The following MBOAT2 variants were observed in gnomAD, a reference collection of about 807,000 sequenced individuals.
MBOAT2 encodes the protein membrane bound glycerophospholipid O-acyltransferase 2.
Under a neutral mutation model 63.4 loss-of-function variants are expected in MBOAT2, and 28 were observed. The observed-to-expected ratio is 0.44, with a 90% CI of 0.33 to 0.61. The LOEUF (loss-of-function observed/expected upper bound fraction) is 0.61. MBOAT2 is among the 20% of genes least tolerant of loss of function. The pLI is 0.03. For missense variants in MBOAT2, 470 were observed against 605.8 expected, an observed-to-expected ratio of 0.78 and a Z score of 2.35; for synonymous variants, 211 against 215.6, an observed-to-expected ratio of 0.98 and a Z score of 0.19.
chr2:8,940,199 A>G (rs1215062628), intron 3 of MBOAT2, among the ~76,000 whole-genome samples: 1 of 152,166 alleles, frequency 6.6e-6, no homozygotes, highest in Non-Finnish European at 1.5e-5. Context: ...TACTGGGAAT[A>G]TAAAGAGAAG....
intron 5 of MBOAT2, among the ~76,000 whole-genome samples, chr2:8,886,965 T>C (rs1663602891): frequency 6.6e-6 from 1 of 152,208 alleles, no homozygotes; most frequent in Admixed American, 6.5e-5. Flanking sequence ...TTGATCACAA[T>C]GCAAGAACTA....
intron 5 of MBOAT2, 29 bp downstream of exon 5, chr2:8,887,989 G>T: frequency 1.3e-6 from 2 of 1,593,680 alleles, no homozygotes; most frequent in Admixed American, 1.7e-5. Context: ...AATTTTTTCA[G>T]CAATAAAAAT....
chr2:8,936,967 CTTCCTAA>C lies in MBOAT2; in HGVS notation c.299+6213_299+6219del, dbSNP rs1201070820. 3.3e-5 allele frequency among the ~76,000 whole-genome samples: 5 copies of C among 152,198 alleles called. No homozygotes were observed. The South Asian group carries it at 6.2e-4, about 19-fold the overall frequency. ...GTGCTGCCTTCGCCAGGGAAAATAT[CTTCCTAA>C]TTCCAATTAGGTACGCCTGAAACAC... On this transcript the variant is annotated intron_variant, in intron 3 of 12. Coordinates refer to ENST00000305997, the MANE Select transcript of MBOAT2 (RefSeq NM_138799.4).
chr2:8,968,438 G>C (rs1158938704), intron 1 of MBOAT2, among the ~76,000 whole-genome samples: 1 of 151,854 alleles, frequency 6.6e-6, no homozygotes, highest in Non-Finnish European at 1.5e-5. Context: ...AAAAAACAGA[G>C]CAGAAAAGCT....
intron 1 of MBOAT2, among the ~76,000 whole-genome samples, chr2:8,966,746 A>G (rs1490640048): frequency 1.3e-5 from 2 of 152,216 alleles, no homozygotes; most frequent in Admixed American, 6.5e-5. Context: ...TACAATGTAG[A>G]GCAATGGGAT....
chr2:8,874,935 T>C (rs749525690), intron 7 of MBOAT2, among the ~76,000 whole-genome samples: 5 of 152,216 alleles, frequency 3.3e-5, no homozygotes, highest in Non-Finnish European at 5.9e-5. Context: ...AAGATGGAGC[T>C]TGGATCTCTA....
intron 8 of MBOAT2, 81 bp from the exon 9 acceptor site, chr2:8,868,630 A>T: frequency 9.1e-7 from 1 of 1,103,878 alleles, no homozygotes; most frequent in Non-Finnish European, 1.3e-6. Flanking sequence ...ATGTGTTATT[A>T]TATCTTTTAT....
chr2:8,959,705 T>A (rs1669481329), intron 1 of MBOAT2, among the ~76,000 whole-genome samples: 1 of 152,098 alleles, frequency 6.6e-6, no homozygotes, highest in African/African-American at 2.4e-5. Context: ...TCAAACAATC[T>A]GCCTGCCTCT....
intron 2 of MBOAT2, among the ~76,000 whole-genome samples, chr2:8,945,127 C>T (rs1668326672): frequency 6.6e-6 from 1 of 152,142 alleles, no homozygotes; most frequent in African/African-American, 2.4e-5. Context: ...CCTGACATCG[C>T]CATTCAGGTG....
chr2:8,861,440 T>G (rs774614999), intron 11 of MBOAT2, among the ~76,000 whole-genome samples: 6 of 152,138 alleles, frequency 3.9e-5, no homozygotes, highest in Admixed American at 1.3e-4. Context: ...GTACAGTTTT[T>G]AAGCGCAAGA....
At chr2:8,976,052 A>C (rs1005926504) in intron 1 of MBOAT2, among the ~76,000 whole-genome samples, 8 of 152,124 alleles carry the variant, frequency 5.3e-5, no homozygotes, top group Non-Finnish European at 1.0e-4. Context: ...CCCAGACAAC[A>C]GCACAGAGAA....
At chr2:8,931,024 C>T (rs776179841) in intron 3 of MBOAT2, among the ~76,000 whole-genome samples, 19 of 152,034 alleles carry the variant, frequency 1.2e-4, no homozygotes, top group South Asian at 4.2e-4. Context: ...AAATCTTTGG[C>T]GTGGCTAAGG....
At chr2:8,976,782 A>G (rs1670847837) in intron 1 of MBOAT2, among the ~76,000 whole-genome samples, 1 of 152,190 alleles carries the variant, frequency 6.6e-6, no homozygotes, top group African/African-American at 2.4e-5. Context: ...AAAAGAAAGT[A>G]GTCTAACTTC....
chr2:8,919,822 C>A (rs1230306171), intron 3 of MBOAT2, among the ~76,000 whole-genome samples: 1 of 152,048 alleles, frequency 6.6e-6, no homozygotes, highest in Non-Finnish European at 1.5e-5. Context: ...GTGGTACAAT[C>A]ATAACTCAAT....
At chr2:8,892,328 A>T (rs1664063831) in intron 4 of MBOAT2, among the ~76,000 whole-genome samples, 1 of 152,178 alleles carries the variant, frequency 6.6e-6, no homozygotes, top group Non-Finnish European at 1.5e-5. Flanking sequence ...GTGTACAAGT[A>T]CCCTTTCAAC....
chr2:8,972,775 T>C (rs1670539688), intron 1 of MBOAT2, among the ~76,000 whole-genome samples: 1 of 152,078 alleles, frequency 6.6e-6, no homozygotes, highest in South Asian at 2.1e-4. Context: ...AAAATGCTCA[T>C]CATCACTGGC....
chr2:8,912,060 T>A (rs1665746348), intron 3 of MBOAT2, among the ~76,000 whole-genome samples: 2 of 152,038 alleles, frequency 1.3e-5, no homozygotes, highest in South Asian at 4.1e-4. Flanking sequence ...ATTAAAACCC[T>A]CATCAAAATT....
At chr2:8,969,955 A>T (rs1401005552) in intron 1 of MBOAT2, among the ~76,000 whole-genome samples, 2 of 152,218 alleles carry the variant, frequency 1.3e-5, no homozygotes, top group Non-Finnish European at 2.9e-5. Flanking sequence ...CATCAGACAG[A>T]TCAACAAAAC....
intron 8 of MBOAT2, among the ~76,000 whole-genome samples, chr2:8,869,682 G>A (rs552396484): frequency 1.3e-5 from 2 of 152,222 alleles, no homozygotes; most frequent in South Asian, 2.1e-4. Flanking sequence ...GAGGTCAGCC[G>A]CCTTTGTTCA....
Sources: gnomAD v4.1 joint callset for allele counts (sites outside exome capture counted in the v4.1 genomes callset) on GRCh38, gnomAD v4.1.1 for gene constraint, MANE v1.5 for transcripts, NCBI Gene and HGNC (gene_info 2026-07-23, HGNC 2026-07-21) for gene names.